Variants in BANP observed in about 807,000 individuals in gnomAD.
BANP encodes the protein BTG3 associated nuclear protein.
Under a neutral mutation model 68.1 loss-of-function variants are expected in BANP, and 11 were observed. The observed-to-expected ratio is 0.16, with a 90% CI of 0.10 to 0.27. BANP has a LOEUF of 0.27. Among genes scored for constraint, BANP ranks in the 10% least tolerant of loss-of-function variants. The probability of loss-of-function intolerance (pLI) is 1.00; values close to 1 mark genes in which losing one functional copy is unlikely to be tolerated. For missense variants in BANP, 504 were observed against 722.7 expected (o/e 0.70, Z 3.47); for synonymous variants, 329 against 303.2 (o/e 1.09, Z -0.88).
chr16:88,062,703 C>G (rs2087187333), intron 11 of BANP, among the ~76,000 whole-genome samples: 1 of 152,244 alleles, frequency 6.6e-6, no homozygotes, highest in Non-Finnish European at 1.5e-5. Context: ...CTTCTGCATT[C>G]CAGAGCTGGT....
In BANP at chr16:88,026,139, C is replaced by T. The variant is rs567422878; in HGVS notation, c.896-1344C>T. On this transcript the variant is annotated intron_variant, in intron 7 of 13. Transcript: ENST00000682872. ...TGCTCAGGGCGTGCTGAGAGCTCTC[C>T]GTAGCGCAGGTGGTAGAGAACTGGG... 9.4e-4 allele frequency among the ~76,000 whole-genome samples: 143 copies of T among 152,316 alleles called. 4 individuals are homozygous for T. The South Asian group carries it at 0.028, about 30-fold the overall frequency.
At position 88,057,589 on chromosome 16, in the gene BANP, TCTGA is replaced by T. The variant is rs768054485; in HGVS notation, c.1312-7674_1312-7671del. On this transcript the variant is annotated intron_variant, in intron 11 of 13. Coordinates refer to ENST00000682872, the MANE Select transcript of BANP (RefSeq NM_001386991.1). The surrounding 1 kb of genome is among the most constrained non-coding windows in gnomAD (Gnocchi z 4.6). ...TTTCCCTCATGCAAAATGCAGGCAC[TCTGA>T]CTGGCCCACGTTGTGTAAAATTGGA... is the stretch of plus-strand genomic sequence containing the variant. 1.8e-4 allele frequency among the ~76,000 whole-genome samples: 28 copies of T among 152,142 alleles called. No individual in the cohort carries two copies. Among genetic ancestry groups the T allele is most frequent in the Non-Finnish European group, 3.2e-4 (22 of 68,028 alleles).
chr16:87,981,149 G>T (rs1264568654), intron 3 of BANP, 22 bp downstream of exon 3: 1 of 1,536,326 alleles, frequency 6.5e-7, no homozygotes, highest in South Asian at 1.1e-5. Context: ...ACTCTGTTCT[G>T]TGGTGTGTAG....
chr16:88,069,571 C>T (rs962188965), intron 12 of BANP, among the ~76,000 whole-genome samples: 1 of 152,138 alleles, frequency 6.6e-6, no homozygotes, highest in Non-Finnish European at 1.5e-5. Flanking sequence ...CCAGGTGCTT[C>T]CTGTATGGAC....
At chr16:88,072,291 G>C in intron 13 of BANP, 79 bp downstream of exon 13, 1 of 1,498,118 alleles carries the variant, frequency 6.7e-7, no homozygotes, top group Non-Finnish European at 8.9e-7. Context: ...ACGTGGCCCC[G>C]GGGCTTTCTC....
rs1219031321 is a variant in BANP at position 87,957,497 on chromosome 16, C to T, written c.-69+5982C>T. Among the ~76,000 whole-genome samples the T allele has an allele frequency of 6.6e-6, 1 of 152,172 alleles. No homozygotes were observed. Among genetic ancestry groups the T allele is most frequent in the African/African-American group, 2.4e-5 (1 of 41,430 alleles). ...TGGAGTCCTGTCAGGAGACCTGGGG[C>T]GGTTTTGAGGCAAGCTCACGGAGGC... On this transcript the variant is annotated intron_variant, in intron 1 of 13. Coordinates refer to ENST00000682872, the MANE Select transcript of BANP (RefSeq NM_001386991.1). This position sits in a 1 kb window ranked among gnomAD's most constrained non-coding sequence, Gnocchi z 4.3.
At chr16:87,952,836 G>C (rs2057243005) in intron 1 of BANP, 1 of 152,050 alleles carries the variant, frequency 6.6e-6, no homozygotes, top group Admixed American at 6.6e-5. Flanking sequence ...ATGCAGTATC[G>C]TGATCTTGGC....
chr16:88,018,645 G>A lies in BANP; in HGVS notation c.873G>A (p.Pro291=), dbSNP rs1167560021. 4 of 1,567,112 alleles carry A rather than the reference G, an allele frequency of 2.6e-6. No individual in the cohort carries two copies. Among genetic ancestry groups the A allele is most frequent in the Admixed American group, 1.9e-5 (1 of 52,944 alleles). Residue 291 remains proline, a synonymous_variant, in exon 7 of 14, where the codon CCG becomes CCA. Transcript: ENST00000682872. This position sits in a 1 kb window ranked among gnomAD's most constrained non-coding sequence, Gnocchi z 7.7. ...AGCACGGGAAGAAGCAGCTGGACCC[G>A]CTCACCATCTACGGCATCCGGTGTA... The part of the protein sequence containing the change: ...QGKHGKKQLD[P]LTIYGIRCHL...
rs114184836 is a variant in BANP, at chr16:87,992,993, T to C, written c.362+8734T>C. 7.9e-3 allele frequency among the ~76,000 whole-genome samples: 1,204 copies of C among 152,344 alleles called. 13 individuals carry two copies. The highest frequency in any genetic ancestry group is 0.027 in the African/African-American group (1,138 of 41,572). On this transcript the variant is annotated intron_variant, in intron 4 of 13. Transcript: ENST00000682872. ...TGGGCTCCTCTGATCCATGACCGTT[T>C]CTCACACTTCCTTGTTTTTGGCGAC... is the stretch of plus-strand genomic sequence containing the variant.
chr16:87,964,888 G>T (rs2059769608), intron 1 of BANP, among the ~76,000 whole-genome samples: 1 of 152,214 alleles, frequency 6.6e-6, no homozygotes, highest in African/African-American at 2.4e-5. Context: ...AAGCAGGTTG[G>T]TTTGGGGTGG....
At chr16:87,995,959 G>A (rs1269342807) in intron 4 of BANP, among the ~76,000 whole-genome samples, 4 of 152,190 alleles carry the variant, frequency 2.6e-5, no homozygotes, top group African/African-American at 9.7e-5. Flanking sequence ...CGTGTTAGAC[G>A]CACATTTAGC....
chr16:87,975,151 G>C lies in BANP; in HGVS notation c.36G>C (p.Gln12His), dbSNP rs1163612598. The change falls in exon 2 of 14, where the codon CAG (glutamine) becomes CAC (histidine). Residue 12 changes from glutamine (Q) to histidine (H), a missense_variant. This residue lies in a region of BANP where 238 missense variants were observed against 278.9 expected (regional missense o/e 0.85). Coordinates refer to ENST00000682872, the MANE Select transcript of BANP (RefSeq NM_001386991.1). ...MSEHDLADVV[Q>H]IAVEDLSPDH... ...AACACGACCTGGCCGATGTGGTTCA[G>C]ATTGCAGTGGAAGACCTGAGCCCTG... The C allele has an allele frequency of 1.2e-6, 2 of 1,614,084 alleles. No individual in the cohort carries two copies. Among genetic ancestry groups the C allele is most frequent in the African/African-American group, 1.3e-5 (1 of 74,934 alleles).
At chr16:88,042,486 C>T (rs1406657823) in intron 11 of BANP, among the ~76,000 whole-genome samples, 2 of 152,266 alleles carry the variant, frequency 1.3e-5, no homozygotes, top group Non-Finnish European at 1.5e-5. Context: ...CACTCCAGTG[C>T]TATCTCTGTC....
chr16:88,001,808 A>G (rs372033937), intron 4 of BANP, among the ~76,000 whole-genome samples: 1 of 152,132 alleles, frequency 6.6e-6, no homozygotes, highest in Non-Finnish European at 1.5e-5. Context: ...TTCCCTCACA[A>G]AATTTTATCC....
Position 87,975,488 on chromosome 16 carries a change from C to T in BANP, c.70+303C>T, listed in dbSNP as rs562401171. 7.6e-4 allele frequency among the ~76,000 whole-genome samples: 115 copies of T among 152,232 alleles called. 1 individual carries two copies. The highest frequency in any genetic ancestry group is 2.7e-3 in the African/African-American group (111 of 41,536). On this transcript the variant is annotated intron_variant, in intron 2 of 13. Transcript: ENST00000682872. ...CTCTCCCCTGCCGCGTCCCTGTGTG[C>T]GGCGTCGTGGATCTTTACCATGTTG...
chr16:88,076,286 G>A (rs1462232020), intron 13 of BANP, among the ~76,000 whole-genome samples: 1 of 152,206 alleles, frequency 6.6e-6, no homozygotes, highest in Non-Finnish European at 1.5e-5. Flanking sequence ...TGAGGCAGCG[G>A]GTTGGGGGTG....
rs753512441 is a variant in BANP at position 88,035,311 on chromosome 16, T to C, written c.1201-12T>C. On this transcript the variant is annotated splice_polypyrimidine_tract_variant and intron_variant, in intron 9 of 13. Coordinates refer to ENST00000682872, the MANE Select transcript of BANP (RefSeq NM_001386991.1). ...TTCTTCTGATGCTTCTTGGTGTCTTTTCTTGCTGCGGATCCCACAGGGACA... is the reference window on the plus strand; with the variant it reads ...TTCTTCTGATGCTTCTTGGTGTCTTCTCTTGCTGCGGATCCCACAGGGACA... The C allele has an allele frequency of 1.2e-6, 2 of 1,603,074 alleles. No individual in the cohort carries two copies. Among genetic ancestry groups the C allele is most frequent in the South Asian group, 1.1e-5 (1 of 88,954 alleles).
At chr16:88,030,399 G>A (rs1326277816) in intron 8 of BANP, among the ~76,000 whole-genome samples, 2 of 152,224 alleles carry the variant, frequency 1.3e-5, no homozygotes, top group East Asian at 3.8e-4. Flanking sequence ...TCCTAGACTC[G>A]AAGAGTGAGG....
At chr16:88,014,715 C>T (rs1161681183) in intron 6 of BANP, among the ~76,000 whole-genome samples, 10 of 152,010 alleles carry the variant, frequency 6.6e-5, no homozygotes, top group Non-Finnish European at 1.5e-4. Flanking sequence ...ACCCACATCC[C>T]GGTGTGGGTG....
Sources: allele counts gnomAD v4.1 joint callset (sites outside exome capture counted in the v4.1 genomes callset), GRCh38; gene constraint gnomAD v4.1.1; regional missense constraint gnomAD v4.1.1; non-coding constraint Gnocchi (gnomAD v3.1); transcripts MANE v1.5; gene names NCBI Gene and HGNC (gene_info 2026-07-23, HGNC 2026-07-21).